The following PEAR1 variants were observed in gnomAD, a reference collection of about 807,000 sequenced individuals.
The protein encoded by PEAR1 is multiple EGF-like domains protein 12.
Under a neutral mutation model 131.2 loss-of-function variants are expected in PEAR1, and 113 were observed. That is an observed-to-expected ratio of 0.86 (90% CI 0.74 to 1.01). The LOEUF is 1.01. PEAR1 is among the 50% of genes least tolerant of loss of function. The pLI is 0.00. For synonymous variants in PEAR1, 565 were observed against 523.3 expected (o/e 1.08, Z -1.09); for missense variants, 1,408 against 1,391.1 (o/e 1.01, Z -0.19).
chr1:156,908,192 C>T lies in PEAR1; in HGVS notation c.967C>T (p.Pro323Ser), dbSNP rs1447696420. 1.2e-6 allele frequency: 2 copies of T among 1,603,096 alleles called. No homozygotes were observed. The highest frequency in any genetic ancestry group is 1.7e-6 in the Non-Finnish European group (2 of 1,179,016). Residue 323 changes from proline to serine, a missense_variant, in exon 9 of 23, where the codon CCG becomes TCG. Physicochemically the swap from Pro to Ser is moderately conservative, Grantham distance 74. Transcript: ENST00000292357. This position sits in a 1 kb window ranked among gnomAD's most constrained non-coding sequence, Gnocchi z 4.2. Reference protein sequence around the residue: ...QDCAETCDCAPDARCFPANGA... With the variant: ...QDCAETCDCASDARCFPANGA... ...CTGTGCTGAGACGTGCGACTGCGCC[C>T]CGGACGCCCGTTGCTTCCCGGCCAA...
In PEAR1 at chr1:156,908,762, GTC is replaced by G. The variant is rs1286261914; in HGVS notation, c.1227_1228del (p.Cys410ProfsTer26). ...CATGGGCCAGGGTGCCAGGAGCACT[GTC>G]TCTGCCTGCACGGTGGCGTCTGCCA... On this transcript the variant is annotated frameshift_variant, in exon 10 of 23. Transcript: ENST00000292357. LOFTEE classifies it high-confidence loss of function. This position sits in a 1 kb window ranked among gnomAD's most constrained non-coding sequence, Gnocchi z 4.2. 4 of 1,591,678 alleles carry G rather than the reference GTC, an allele frequency of 2.5e-6. No individual in the cohort carries two copies. The highest frequency in any genetic ancestry group is 2.3e-5 in the East Asian group (1 of 43,758).
chr1:156,910,235 T>G lies in PEAR1; in HGVS notation c.1680T>G (p.Gly560=), dbSNP rs773608811. Residue 560 remains glycine, a splice_region_variant and synonymous_variant, in exon 14 of 23, where the codon GGT becomes GGG. Transcript: ENST00000292357. ...GRCQCQAGWM[G]ARCHLSCPEG... is the part of the protein sequence containing the mutation. ...ACACCCGACTGCTGTCTCCCACAGGTGCCCGCTGCCACCTGTCCTGCCCTG... is the reference window on the plus strand; with the variant it reads ...ACACCCGACTGCTGTCTCCCACAGGGGCCCGCTGCCACCTGTCCTGCCCTG... 3.0e-5 allele frequency: 49 copies of G among 1,609,874 alleles called. No homozygotes were observed. Among genetic ancestry groups the G allele is most frequent in the Non-Finnish European group, 4.2e-5 (49 of 1,177,524 alleles).
At chr1:156,913,313 A>C (rs1044261362) in intron 19 of PEAR1, 31 bp downstream of exon 19, 2 of 1,599,624 alleles carry the variant, frequency 1.3e-6, no homozygotes, top group African/African-American at 2.7e-5. Flanking sequence ...TGCACTGTGG[A>C]GGGAAGCGCA....
At chr1:156,905,268 C>T in intron 3 of PEAR1, 56 bp from the exon 4 acceptor site, 3 of 1,560,734 alleles carry the variant, frequency 1.9e-6, no homozygotes, top group Non-Finnish European at 2.6e-6. Context: ...CCTGGCCACA[C>T]TGTGGTGAGT....
Position 156,896,258 on chromosome 1 carries a change from A to G in PEAR1, c.-10+2421A>G, listed in dbSNP as rs539721411. On this transcript the variant is annotated intron_variant, in intron 1 of 22. Coordinates refer to ENST00000292357, the MANE Select transcript of PEAR1 (RefSeq NM_001080471.3). ...ACTTTATAGGCTTGCTGGGAGAACT[A>G]AAAGACAGGATCTAGCCACAGCACA... 1.3e-4 allele frequency among the ~76,000 whole-genome samples: 20 copies of G among 152,322 alleles called. No individual in the cohort carries two copies. In the East Asian group the frequency reaches 3.5e-3, roughly 27 times the overall value.
At chr1:156,914,175 G>A (rs2101556030) in intron 22 of PEAR1, 75 bp downstream of exon 22, 1 of 1,467,384 alleles carries the variant, frequency 6.8e-7, no homozygotes, top group Non-Finnish European at 9.0e-7. Flanking sequence ...AAGGAACAGA[G>A]GGAGAAGAGA....
chr1:156,908,515 T>G lies in PEAR1; in HGVS notation c.1116-140T>G. On this transcript the variant is annotated intron_variant, in intron 9 of 22. Coordinates refer to ENST00000292357, the MANE Select transcript of PEAR1 (RefSeq NM_001080471.3). The surrounding 1 kb of genome is among the most constrained non-coding windows in gnomAD (Gnocchi z 4.2). ...GGTACCGCTACTTGCCCCAACCCAGTTTTCAGAATAGCGCGGAGCCTCCCT... is the reference window on the plus strand; with the variant it reads ...GGTACCGCTACTTGCCCCAACCCAGGTTTCAGAATAGCGCGGAGCCTCCCT... The G allele has an allele frequency of 8.3e-7, 1 of 1,204,366 alleles. No individual in the cohort carries two copies. The highest frequency in any genetic ancestry group is 1.1e-6 in the Non-Finnish European group (1 of 889,422). 74.6% of individuals were successfully genotyped at this position (1,204,366 alleles called of 1,614,324 possible).
intron 4 of PEAR1, 21 bp from the exon 5 acceptor site, chr1:156,906,255 C>G: frequency 6.2e-7 from 1 of 1,611,442 alleles, no homozygotes; most frequent in South Asian, 1.1e-5. Context: ...ACACATCTCA[C>G]CACACCCATC....
Position 156,897,347 on chromosome 1 carries a change from A to G in PEAR1, c.-10+3510A>G, listed in dbSNP as rs147500105. On this transcript the variant is annotated intron_variant, in intron 1 of 22. Transcript: ENST00000292357. ...TCACAGAGCCTTGGAGAGGAATAAG[A>G]TTTGAGGGAGTCCAACCTGGTGGGG... Among the ~76,000 whole-genome samples, 974 of 152,314 alleles carry G rather than the reference A, an allele frequency of 6.4e-3. 8 individuals carry two copies. Among genetic ancestry groups the G allele is most frequent in the African/African-American group, 0.022 (915 of 41,550 alleles).
Position 156,908,560 on chromosome 1 carries a change from C to G in PEAR1, c.1116-95C>G. On this transcript the variant is annotated intron_variant, in intron 9 of 22. Transcript: ENST00000292357. This position sits in a 1 kb window ranked among gnomAD's most constrained non-coding sequence, Gnocchi z 4.2. ...CTCCCTAGTGACCCCCTTACCCCAG[C>G]GATGTGCGAATCCCACTGACCACGC... 7.7e-7 allele frequency: 1 copy of G among 1,298,402 alleles called. No homozygotes were observed. The highest frequency in any genetic ancestry group is 1.5e-5 in the South Asian group (1 of 66,350). The allele number at this position is 1,298,402 out of a possible 1,614,324, so 80.4% of individuals were successfully genotyped here.
chr1:156,909,364 C>T (rs1292314757), intron 11 of PEAR1, among the ~76,000 whole-genome samples: 1 of 152,186 alleles, frequency 6.6e-6, no homozygotes, highest in Non-Finnish European at 1.5e-5. Flanking sequence ...CATTGGCAAC[C>T]TTTAGGCTGG....
chr1:156,906,543 G>C (rs564304185), intron 5 of PEAR1, 94 bp from the exon 6 acceptor site: 4 of 1,570,432 alleles, frequency 2.5e-6, no homozygotes, highest in Non-Finnish European at 3.5e-6. Context: ...GTGGGCCTGT[G>C]GGGGCTGGGA....
chr1:156,894,045 G>A (rs1648916207), intron 1 of PEAR1, among the ~76,000 whole-genome samples: 1 of 152,244 alleles, frequency 6.6e-6, no homozygotes, highest in South Asian at 2.1e-4. Context: ...GAGAGGATGG[G>A]TTGGGGGTTC....
intron 18 of PEAR1, 92 bp downstream of exon 18, chr1:156,913,074 G>T: frequency 6.4e-7 from 1 of 1,568,366 alleles, no homozygotes; most frequent in Non-Finnish European, 8.8e-7. Context: ...AAGATGAGGA[G>T]TGGGGAGGAG....
rs1014674575 is a variant in PEAR1 at position 156,915,122 on chromosome 1, G to C, written c.*324G>C. On this transcript the variant is annotated 3_prime_UTR_variant, in exon 23 of 23. Coordinates refer to ENST00000292357, the MANE Select transcript of PEAR1 (RefSeq NM_001080471.3). ...GGGGTACCTTTTCTGTGCATGCTCA[G>C]CCTGGGCTCTGTGCGTGTGTGTGTT... 2.9e-5 allele frequency: 8 copies of C among 277,488 alleles called. No individual in the cohort carries two copies. The highest frequency in any genetic ancestry group is 2.7e-5 in the Non-Finnish European group (4 of 149,954). The allele number at this position is 277,488 out of a possible 1,614,324, so 17.2% of individuals were successfully genotyped here. A position where few individuals can be genotyped will look rare whatever the true frequency, so the allele number is the denominator to read the frequency against.
chr1:156,914,546 C>T lies in PEAR1; in HGVS notation c.2963-101C>T, dbSNP rs1390223792. 26 of 1,238,000 alleles carry T rather than the reference C, an allele frequency of 2.1e-5. No homozygotes were observed. In the East Asian group the frequency reaches 3.9e-4, roughly 18 times the overall value. 76.7% of individuals were successfully genotyped at this position (1,238,000 alleles called of 1,614,324 possible). ...TCCAGGCCCCATCTGCTTCTCTTTG[C>T]CTTGAAGAGGCTGAAGAGGAGAGGA... On this transcript the variant is annotated intron_variant, in intron 22 of 22. Coordinates refer to ENST00000292357, the MANE Select transcript of PEAR1 (RefSeq NM_001080471.3).
In PEAR1 at chr1:156,913,942, C is replaced by T; in HGVS notation, c.2804C>T (p.Pro935Leu). 6.2e-7 allele frequency: 1 copy of T among 1,614,098 alleles called. No homozygotes were observed. The highest frequency in any genetic ancestry group is 1.3e-5 in the African/African-American group (1 of 75,058). The change falls in exon 22 of 23, where the codon CCA becomes CTA. Residue 935 changes from proline to leucine, a missense_variant. Transcript: ENST00000292357. Reference sequence around the variant, plus strand: ...ACCATCCGGGACCTGCCCAGCTTGCCAGGGGGCCCCCGGGAGAGCAGCTAC... The same window carrying T: ...ACCATCCGGGACCTGCCCAGCTTGCTAGGGGGCCCCCGGGAGAGCAGCTAC... ...YATIRDLPSL[P>L]GGPRESSYME... is the part of the protein sequence containing the mutation.
chr1:156,901,935 G>A (rs1412392826), intron 1 of PEAR1, among the ~76,000 whole-genome samples: 1 of 152,142 alleles, frequency 6.6e-6, no homozygotes, highest in Non-Finnish European at 1.5e-5. Flanking sequence ...GAGTGGGGAT[G>A]TGTCTGGGTG....
At chr1:156,910,478 TCCCAC>T in intron 14 of PEAR1, 98 bp downstream of exon 14, 1 of 1,543,268 alleles carries the variant, frequency 6.5e-7, no homozygotes, top group Non-Finnish European at 8.8e-7. Context: ...CGCCCACCTC[TCCCAC>T]CTTACCCCCG....
Sources: allele counts gnomAD v4.1 joint callset (sites outside exome capture counted in the v4.1 genomes callset), GRCh38; gene constraint gnomAD v4.1.1; non-coding constraint Gnocchi (gnomAD v3.1); transcripts MANE v1.5; gene names NCBI Gene and HGNC (gene_info 2026-07-23, HGNC 2026-07-21).